ERC2: variants seen among roughly 807,000 people sequenced by gnomAD.
ERC2 encodes the protein ELKS/RAB6-interacting/CAST family member 2.
ERC2 carries 42 observed loss-of-function variants against 114.8 expected under a neutral mutation model. The observed-to-expected ratio is 0.37, with a 90% CI of 0.29 to 0.47. The LOEUF is 0.47. Ranked by LOEUF, ERC2 falls within the 20% of genes least tolerant of loss-of-function variation. ERC2 has a pLI of 0.99. For synonymous variants in ERC2, 454 were observed against 425.5 expected, an observed-to-expected ratio of 1.07 and a Z score of -0.82; for missense variants, 939 against 1,150.7, an observed-to-expected ratio of 0.82 and a Z score of 2.66.
chr3:56,166,316 T>G (rs1047588239), intron 4 of ERC2, among the ~76,000 whole-genome samples: 5 of 152,094 alleles, frequency 3.3e-5, no homozygotes, highest in African/African-American at 1.2e-4. Flanking sequence ...CTCAGGAGAT[T>G]GCTTGTAATT....
intron 2 of ERC2, among the ~76,000 whole-genome samples, chr3:56,331,429 C>T (rs1469243820): frequency 1.3e-5 from 2 of 152,138 alleles, no homozygotes; most frequent in Non-Finnish European, 2.9e-5. Flanking sequence ...CTCTCTCCCC[C>T]ATTACAATAC....
intron 14 of ERC2, among the ~76,000 whole-genome samples, chr3:55,810,402 ACT>A (rs2059669038): frequency 6.6e-6 from 1 of 151,412 alleles, no homozygotes; most frequent in Admixed American, 6.6e-5. Flanking sequence ...ATGAATGCAC[ACT>A]CTACATAGTA....
At chr3:56,068,194 T>G (rs977746960) in intron 7 of ERC2, among the ~76,000 whole-genome samples, 4 of 152,218 alleles carry the variant, frequency 2.6e-5, no homozygotes, top group African/African-American at 9.6e-5. Context: ...GGCGGGCTAT[T>G]TATTACTGCC....
intron 13 of ERC2, among the ~76,000 whole-genome samples, chr3:55,891,893 T>G (rs930039699): frequency 6.6e-6 from 1 of 152,238 alleles, no homozygotes; most frequent in East Asian, 1.9e-4. Flanking sequence ...TTTCTTAATG[T>G]GTGGTTTGCA....
intron 2 of ERC2, among the ~76,000 whole-genome samples, chr3:56,430,389 A>C (rs1045863681): frequency 2.0e-5 from 3 of 152,264 alleles, no homozygotes; most frequent in Admixed American, 6.5e-5. Context: ...CCTAGTTAAG[A>C]ATACAAATTC....
In ERC2 at chr3:55,559,344, G is replaced by A. The variant is rs141806706; in HGVS notation, c.*40-48068C>T. 4.6e-5 allele frequency among the ~76,000 whole-genome samples: 7 copies of A among 152,372 alleles called. No homozygotes were observed. In the East Asian group the frequency reaches 1.3e-3, roughly 29 times the overall value. On this transcript the variant is annotated intron_variant, in intron 17 of 17. Coordinates refer to ENST00000288221, the MANE Select transcript of ERC2 (RefSeq NM_015576.3). ...CACCCAAAGTGGTGAAGAGTAGTGT[G>A]TGCATGCACTTAAGGCCCATGCCCT...
intron 17 of ERC2, among the ~76,000 whole-genome samples, chr3:55,616,917 G>A (rs569284671): frequency 6.6e-6 from 1 of 152,098 alleles, no homozygotes; most frequent in East Asian, 1.9e-4. Flanking sequence ...GAGGTGAAGT[G>A]ATGAGCCATT....
intron 2 of ERC2, among the ~76,000 whole-genome samples, chr3:56,423,385 A>G (rs908314236): frequency 6.6e-6 from 1 of 152,248 alleles, no homozygotes; most frequent in Non-Finnish European, 1.5e-5. Context: ...GCACTGTAGC[A>G]TGTTTAGCAG....
intron 3 of ERC2, among the ~76,000 whole-genome samples, chr3:56,255,327 A>G (rs1576110806): frequency 6.6e-6 from 1 of 151,930 alleles, no homozygotes; most frequent in Non-Finnish European, 1.5e-5. Context: ...AGGTCCACAC[A>G]CTCTTGAGTC....
At chr3:56,189,048 C>T (rs1306238974) in intron 3 of ERC2, among the ~76,000 whole-genome samples, 1 of 151,558 alleles carries the variant, frequency 6.6e-6, no homozygotes, top group Admixed American at 6.6e-5. Flanking sequence ...AATCTTATCC[C>T]CAGTTTTCAG....
intron 2 of ERC2, among the ~76,000 whole-genome samples, chr3:56,421,498 G>T (rs2107232883): frequency 6.6e-6 from 1 of 152,328 alleles, no homozygotes; most frequent in South Asian, 2.1e-4. Context: ...AGGTCAATTG[G>T]ATTATTGGTT....
intron 14 of ERC2, among the ~76,000 whole-genome samples, chr3:55,877,265 C>T (rs762350366): frequency 9.9e-5 from 15 of 152,128 alleles, no homozygotes; most frequent in Non-Finnish European, 1.9e-4. Context: ...TGTCTCCAGA[C>T]CTTGCCAAAG....
intron 13 of ERC2, among the ~76,000 whole-genome samples, chr3:55,920,779 G>A (rs1392265169): frequency 6.6e-6 from 1 of 152,140 alleles, no homozygotes; most frequent in Non-Finnish European, 1.5e-5. Context: ...AATGATAACA[G>A]TGACAATAAT....
chr3:56,059,475 GAAGT>G lies in ERC2; in HGVS notation c.1641+21338_1641+21341del, dbSNP rs527929442. Among the ~76,000 whole-genome samples, 49 of 152,284 alleles carry G rather than the reference GAAGT, an allele frequency of 3.2e-4. 1 individual carries two copies. In the South Asian group the frequency reaches 0.01, roughly 32 times the overall value. The stretch of plus-strand genomic sequence containing the variant: ...TATTGCTGCTACTAATCAGCTACAG[GAAGT>G]AAGTGACTTTGGACAACTTACTTCA... On this transcript the variant is annotated intron_variant, in intron 7 of 17. Coordinates refer to ENST00000288221, the MANE Select transcript of ERC2 (RefSeq NM_015576.3).
At chr3:55,538,173 A>C (rs2054121672) in intron 17 of ERC2, among the ~76,000 whole-genome samples, 2 of 152,168 alleles carry the variant, frequency 1.3e-5, no homozygotes, top group African/African-American at 4.8e-5. Flanking sequence ...TCTGAATTTC[A>C]CATCAACCCG....
intron 5 of ERC2, among the ~76,000 whole-genome samples, chr3:56,144,886 G>T (rs2081057396): frequency 6.6e-6 from 1 of 152,096 alleles, no homozygotes; most frequent in Admixed American, 6.5e-5. Context: ...TATCCCTTTT[G>T]CTTCTTTTAC....
At chr3:55,794,382 T>C (rs1039282368) in intron 14 of ERC2, among the ~76,000 whole-genome samples, 4 of 152,170 alleles carry the variant, frequency 2.6e-5, no homozygotes, top group African/African-American at 4.8e-5. Flanking sequence ...ATAATGGACT[T>C]TGTGGCTAGA....
At chr3:55,556,559 G>A (rs541551294) in intron 17 of ERC2, among the ~76,000 whole-genome samples, 22 of 152,320 alleles carry the variant, frequency 1.4e-4, no homozygotes, top group African/African-American at 5.3e-4. Context: ...AATCCAGTGA[G>A]AGGAGCTGAG....
At chr3:56,076,134 G>C (rs2076959155) in intron 7 of ERC2, among the ~76,000 whole-genome samples, 1 of 152,104 alleles carries the variant, frequency 6.6e-6, no homozygotes, top group African/African-American at 2.4e-5. Context: ...AAGTTCAGTA[G>C]GCAGCCAGTG....
Sources: gnomAD v4.1 joint callset for allele counts (sites outside exome capture counted in the v4.1 genomes callset) on GRCh38, gnomAD v4.1.1 for gene constraint, MANE v1.5 for transcripts, NCBI Gene and HGNC (gene_info 2026-07-23, HGNC 2026-07-21) for gene names.